SNTG1: variants seen among roughly 807,000 people sequenced by gnomAD.
The protein encoded by SNTG1 is syntrophin gamma 1.
In SNTG1, 39 loss-of-function variants were observed where a neutral mutation model predicts 74.7. That is an observed-to-expected ratio of 0.52 (90% CI 0.40 to 0.68). The LOEUF is 0.68. Among genes scored for constraint, SNTG1 ranks in the 30% least tolerant of loss-of-function variants. The probability of loss-of-function intolerance (pLI) is 0.00; values close to 1 mark genes in which losing one functional copy is unlikely to be tolerated. For synonymous variants in SNTG1, 254 were observed against 217.1 expected (o/e 1.17, Z -1.49); for missense variants, 685 against 609.5 (o/e 1.12, Z -1.30).
intron 18 of SNTG1, among the ~76,000 whole-genome samples, chr8:50,781,968 T>A (rs911118855): frequency 6.6e-6 from 1 of 152,176 alleles, no homozygotes; most frequent in Admixed American, 6.5e-5. Context: ...TTATGAAGCT[T>A]AGTTTGGCTG....
intron 17 of SNTG1, among the ~76,000 whole-genome samples, chr8:50,731,724 C>A (rs1357496500): frequency 6.6e-6 from 1 of 152,090 alleles, no homozygotes; most frequent in Non-Finnish European, 1.5e-5. Flanking sequence ...GTCTGCTCAT[C>A]CTTTTCATCA....
In SNTG1 at chr8:50,724,916, GA is replaced by G. The variant is rs890436988; in HGVS notation, c.1284+15944del. On this transcript the variant is annotated intron_variant, in intron 17 of 18. Transcript: ENST00000642720. Reference sequence around the variant, plus strand: ...AAACTTTTATTCTACAAATGGGATGGAAAAAACAGTTATTAGAGTTAACAGA... The same window carrying G: ...AAACTTTTATTCTACAAATGGGATGGAAAAACAGTTATTAGAGTTAACAGA... Among the ~76,000 whole-genome samples, 3 of 151,942 alleles carry G rather than the reference GA, an allele frequency of 2.0e-5. No homozygotes were observed. The East Asian group carries it at 5.8e-4, about 29-fold the overall frequency.
At chr8:50,112,720 G>T (rs542117669) in intron 1 of SNTG1, among the ~76,000 whole-genome samples, 1 of 151,566 alleles carries the variant, frequency 6.6e-6, no homozygotes. Context: ...ATGGGGTTTC[G>T]CCATGTTGGC....
At chr8:50,142,710 A>C (rs2081709130) in intron 1 of SNTG1, among the ~76,000 whole-genome samples, 1 of 152,154 alleles carries the variant, frequency 6.6e-6, no homozygotes. Context: ...ATATGAATAC[A>C]GGTTGATGGA....
chr8:49,951,677 G>A (rs1585634036), intron 1 of SNTG1, among the ~76,000 whole-genome samples: 2 of 151,478 alleles, frequency 1.3e-5, no homozygotes, highest in African/African-American at 4.8e-5. Flanking sequence ...GTTAGTGGGT[G>A]CAGCGCACCA....
At chr8:50,670,706 T>C (rs1366822697) in intron 15 of SNTG1, among the ~76,000 whole-genome samples, 3 of 145,682 alleles carry the variant, frequency 2.1e-5, no homozygotes, top group Non-Finnish European at 4.5e-5. Context: ...AAAGTTCATA[T>C]GGAACCAAAA....
intron 2 of SNTG1, among the ~76,000 whole-genome samples, chr8:50,330,829 C>A (rs115990506): frequency 4.6e-5 from 7 of 152,034 alleles, no homozygotes; most frequent in Admixed American, 1.3e-4. Flanking sequence ...TAAAACCATT[C>A]GATCTTGTAA....
At chr8:49,933,997 T>G (rs1807821732) in intron 1 of SNTG1, among the ~76,000 whole-genome samples, 1 of 152,192 alleles carries the variant, frequency 6.6e-6, no homozygotes. Flanking sequence ...GTTTCTTTCT[T>G]TCTGTCTCTC....
At chr8:50,245,402 C>G (rs1285280537) in intron 2 of SNTG1, among the ~76,000 whole-genome samples, 1 of 151,926 alleles carries the variant, frequency 6.6e-6, no homozygotes, top group Non-Finnish European at 1.5e-5. Context: ...TGTAAAATAG[C>G]CTGAGTGTGG....
At chr8:50,465,812 G>A (rs1469790355) in intron 8 of SNTG1, among the ~76,000 whole-genome samples, 11 of 152,096 alleles carry the variant, frequency 7.2e-5, no homozygotes. Flanking sequence ...CCCATCATAT[G>A]GATGCAGTAT....
chr8:50,489,548 T>C (rs749570724), intron 8 of SNTG1, among the ~76,000 whole-genome samples: 25 of 152,242 alleles, frequency 1.6e-4, no homozygotes, highest in Non-Finnish European at 2.9e-4. Context: ...TTTTCTCATA[T>C]GTTTGTTGGC....
rs144073312 is a variant in SNTG1 at position 50,421,465 on chromosome 8, C to T, written c.163-17078C>T. ...GCAGTGAGGAACACCAGAGGCCACT[C>T]GTCACCATTTTGTTTTTGGTGAGAT... On this transcript the variant is annotated intron_variant, in intron 4 of 18. Transcript: ENST00000642720. 3.8e-3 allele frequency among the ~76,000 whole-genome samples: 582 copies of T among 152,230 alleles called. 3 individuals are homozygous for T. The highest frequency in any genetic ancestry group is 6.1e-3 in the Admixed American group (93 of 15,274).
intron 2 of SNTG1, among the ~76,000 whole-genome samples, chr8:50,339,434 TAAC>T (rs2091252670): frequency 6.6e-6 from 1 of 152,004 alleles, no homozygotes; most frequent in Admixed American, 6.5e-5. Context: ...GAAATAATAA[TAAC>T]AATGGTCTAT....
At chr8:50,021,819 T>G (rs1816841988) in intron 1 of SNTG1, among the ~76,000 whole-genome samples, 1 of 151,628 alleles carries the variant, frequency 6.6e-6, no homozygotes, top group Admixed American at 6.6e-5. Flanking sequence ...CTTGTGCTTG[T>G]AGCCCCAGCT....
At chr8:50,359,156 A>G (rs1176821455) in intron 2 of SNTG1, among the ~76,000 whole-genome samples, 1 of 152,232 alleles carries the variant, frequency 6.6e-6, no homozygotes, top group Non-Finnish European at 1.5e-5. Flanking sequence ...GTAGATGCAC[A>G]TAAAAATTTC....
intron 2 of SNTG1, among the ~76,000 whole-genome samples, chr8:50,360,711 C>T (rs1307256035): frequency 6.6e-6 from 1 of 152,160 alleles, no homozygotes; most frequent in Non-Finnish European, 1.5e-5. Context: ...GTATTTATAT[C>T]TCCAAACATA....
chr8:50,060,758 C>T (rs1820403538), intron 1 of SNTG1, among the ~76,000 whole-genome samples: 2 of 151,958 alleles, frequency 1.3e-5, no homozygotes, highest in Non-Finnish European at 2.9e-5. Context: ...TGGAGTCTAC[C>T]CTACCCCTAT....
At chr8:50,354,895 C>A (rs1237321654) in intron 2 of SNTG1, among the ~76,000 whole-genome samples, 1 of 152,184 alleles carries the variant, frequency 6.6e-6, no homozygotes, top group Non-Finnish European at 1.5e-5. Flanking sequence ...GCATACAGAA[C>A]TGTGTCATCT....
chr8:50,448,059 A>G (rs1454547859), intron 5 of SNTG1, among the ~76,000 whole-genome samples: 1 of 152,184 alleles, frequency 6.6e-6, no homozygotes, highest in Non-Finnish European at 1.5e-5. Flanking sequence ...AGGCAGGGTC[A>G]TCTTAGACAC....
Sources: gnomAD v4.1 joint callset for allele counts (sites outside exome capture counted in the v4.1 genomes callset) on GRCh38, gnomAD v4.1.1 for gene constraint, MANE v1.5 for transcripts, NCBI Gene and HGNC (gene_info 2026-07-23, HGNC 2026-07-21) for gene names.